Variants in SULF1 observed in about 807,000 individuals in gnomAD.
SULF1 encodes sulfatase 1, also known as extracellular sulfatase Sulf-1.
In SULF1, 46 loss-of-function variants were observed where a neutral mutation model predicts 110.5. The ratio of observed to expected loss-of-function variants is 0.42; its 90% CI spans 0.33 to 0.53. The LOEUF is 0.53. Ranked by LOEUF, SULF1 falls within the 20% of genes least tolerant of loss-of-function variation. The pLI is 0.12. For missense variants in SULF1, 941 were observed against 1,094.2 expected, an observed-to-expected ratio of 0.86 and a Z score of 1.98; for synonymous variants, 371 against 387.1, an observed-to-expected ratio of 0.96 and a Z score of 0.49.
intron 3 of SULF1, among the ~76,000 whole-genome samples, chr8:69,525,631 G>A (rs1030027563): frequency 6.6e-6 from 1 of 152,150 alleles, no homozygotes; most frequent in Non-Finnish European, 1.5e-5. Flanking sequence ...AAACCTCCCA[G>A]GCACCTAACT....
intron 15 of SULF1, among the ~76,000 whole-genome samples, chr8:69,624,449 A>C (rs967463675): frequency 3.3e-5 from 5 of 152,244 alleles, no homozygotes; most frequent in Non-Finnish European, 7.3e-5. Flanking sequence ...ATTCACATTA[A>C]GGCTGATCAG....
At chr8:69,589,567 T>C (rs1290042351) in intron 8 of SULF1, among the ~76,000 whole-genome samples, 1 of 152,224 alleles carries the variant, frequency 6.6e-6, no homozygotes, top group Admixed American at 6.5e-5. Context: ...GCGAATACCG[T>C]AGCAGCTTTG....
chr8:69,605,081 C>T (rs954186528), intron 13 of SULF1, 149 bp downstream of exon 13: 43 of 1,109,296 alleles, frequency 3.9e-5, no homozygotes, highest in African/African-American at 2.2e-4. Flanking sequence ...CACCTCTCCG[C>T]GGACAGAATT....
chr8:69,485,806 G>T (rs1030512594), intron 1 of SULF1, among the ~76,000 whole-genome samples: 5 of 152,190 alleles, frequency 3.3e-5, no homozygotes, highest in African/African-American at 1.2e-4. Context: ...AGAAGAGGAG[G>T]TGAAAAACTG....
intron 14 of SULF1, among the ~76,000 whole-genome samples, chr8:69,623,185 A>T (rs117325915): frequency 1.7e-3 from 205 of 121,576 alleles, no homozygotes; most frequent in Non-Finnish European, 2.5e-3. Context: ...TATAAAAGTG[A>T]GTTGGCTGAT....
chr8:69,546,337 A>G (rs1366074685), intron 3 of SULF1, among the ~76,000 whole-genome samples: 7 of 152,216 alleles, frequency 4.6e-5, no homozygotes, highest in Non-Finnish European at 1.0e-4. Context: ...TCATTATTGT[A>G]TGGAAAACTA....
At chr8:69,587,709 T>C (rs1806573814) in intron 7 of SULF1, among the ~76,000 whole-genome samples, 1 of 152,302 alleles carries the variant, frequency 6.6e-6, no homozygotes, top group South Asian at 2.1e-4. Flanking sequence ...CTGCTCTCCT[T>C]TGCTGTCTGT....
At chr8:69,579,878 T>C (rs549126882) in intron 6 of SULF1, among the ~76,000 whole-genome samples, 1 of 152,318 alleles carries the variant, frequency 6.6e-6, no homozygotes, top group African/African-American at 2.4e-5. Context: ...ATAATGAATT[T>C]ATTATTTGGA....
upstream of SULF1, among the ~76,000 whole-genome samples, chr8:69,489,740 C>A (rs1723068801): frequency 6.6e-6 from 1 of 151,830 alleles, no homozygotes; most frequent in Non-Finnish European, 1.5e-5. Context: ...CCATGCCCAG[C>A]TAATTTCTTG....
chr8:69,532,918 T>A (rs1334222686), intron 3 of SULF1, among the ~76,000 whole-genome samples: 1 of 152,132 alleles, frequency 6.6e-6, no homozygotes, highest in Non-Finnish European at 1.5e-5. Flanking sequence ...ATAAGTGAAA[T>A]CATACAGTAA....
intron 2 of SULF1, among the ~76,000 whole-genome samples, chr8:69,499,017 C>A (rs562793581): frequency 6.6e-6 from 1 of 152,250 alleles, no homozygotes; most frequent in African/African-American, 2.4e-5. Flanking sequence ...TGCAACCATG[C>A]CCAGCTAATT....
At chr8:69,621,793 T>G (rs962766063) in intron 14 of SULF1, among the ~76,000 whole-genome samples, 3 of 152,236 alleles carry the variant, frequency 2.0e-5, no homozygotes, top group Non-Finnish European at 4.4e-5. Flanking sequence ...GCATTCAGTA[T>G]GAAAAATACT....
intron 6 of SULF1, among the ~76,000 whole-genome samples, chr8:69,584,053 T>A (rs907124634): frequency 2.6e-5 from 4 of 152,160 alleles, no homozygotes; most frequent in African/African-American, 9.7e-5. Flanking sequence ...TTGTCCAAAC[T>A]CAAAGTAGGC....
intron 8 of SULF1, chr8:69,592,793 A>G: frequency 2.8e-6 from 1 of 358,946 alleles, no homozygotes. Context: ...ATGTGGCTCA[A>G]CTTAAGGTTT....
At chr8:69,488,311 A>G (rs1809783776), upstream of SULF1, among the ~76,000 whole-genome samples, 1 of 152,248 alleles carries the variant, frequency 6.6e-6, no homozygotes. Context: ...GCAGTTAGCA[A>G]AGATTTAAAT....
At chr8:69,584,767 A>G (rs1051221866) in intron 6 of SULF1, among the ~76,000 whole-genome samples, 2 of 152,168 alleles carry the variant, frequency 1.3e-5, no homozygotes, top group Non-Finnish European at 2.9e-5. Flanking sequence ...ATGCATACCA[A>G]TTTTACACCA....
chr8:69,509,474 C>T (rs1352363933), intron 3 of SULF1, among the ~76,000 whole-genome samples: 2 of 152,192 alleles, frequency 1.3e-5, no homozygotes, highest in Non-Finnish European at 2.9e-5. Context: ...AAATATAGCA[C>T]ATACTGTATT....
chr8:69,498,607 C>T (rs1439193283), intron 2 of SULF1, among the ~76,000 whole-genome samples: 2 of 152,080 alleles, frequency 1.3e-5, no homozygotes, highest in African/African-American at 4.8e-5. Context: ...CTATGTGGCA[C>T]AGGTTTTAAA....
chr8:69,589,432 T>C (rs187744561), intron 8 of SULF1, among the ~76,000 whole-genome samples: 29 of 152,252 alleles, frequency 1.9e-4, no homozygotes, highest in African/African-American at 5.3e-4. Flanking sequence ...AAGAGTTTCC[T>C]TTCGTTGTCT....
Sources: allele counts gnomAD v4.1 joint callset (sites outside exome capture counted in the v4.1 genomes callset), GRCh38; gene constraint gnomAD v4.1.1; transcripts MANE v1.5; gene names NCBI Gene and HGNC (gene_info 2026-07-23, HGNC 2026-07-21).